PTGR2: variants seen among roughly 807,000 people sequenced by gnomAD.
PTGR2 encodes 15-oxoprostaglandin 13-reductase.
A neutral mutation model predicts 43.4 loss-of-function variants in PTGR2; 32 were observed. That is an observed-to-expected ratio of 0.74 (90% CI 0.56 to 0.99). The LOEUF is 0.99. Among genes scored for constraint, PTGR2 ranks in the 50% least tolerant of loss-of-function variants. PTGR2 has a pLI of 0.00. For missense variants in PTGR2, 373 were observed against 420.0 expected, an observed-to-expected ratio of 0.89 and a Z score of 0.98; for synonymous variants, 106 against 139.2, an observed-to-expected ratio of 0.76 and a Z score of 1.68.
intron 4 of PTGR2, among the ~76,000 whole-genome samples, chr14:73,875,816 G>GT (rs1555351261): frequency 2.3e-4 from 25 of 106,486 alleles, no homozygotes; most frequent in East Asian, 4.7e-4. Context: ...TTTTTTAAAA[G>GT]TTTCTTTTTT....
At chr14:73,858,989 A>G (rs890189684) in intron 2 of PTGR2, 90 bp downstream of exon 2, 1 of 999,594 alleles carries the variant, frequency 1.0e-6, no homozygotes, top group Non-Finnish European at 1.5e-6. Flanking sequence ...TTCATGTGGT[A>G]AATTAAGGTA....
At chr14:73,875,816 G>GTTT (rs1555351261) in intron 4 of PTGR2, among the ~76,000 whole-genome samples, 9 of 106,496 alleles carry the variant, frequency 8.5e-5, no homozygotes, top group South Asian at 3.0e-4. Context: ...TTTTTTAAAA[G>GTTT]TTTCTTTTTT....
At chr14:73,867,848 T>A (rs748453366) in intron 3 of PTGR2, among the ~76,000 whole-genome samples, 1 of 152,234 alleles carries the variant, frequency 6.6e-6, no homozygotes, top group Non-Finnish European at 1.5e-5. Context: ...TTTGCCCCTT[T>A]AAGCCATTTT....
chr14:73,862,002 C>T lies in PTGR2; in HGVS notation c.156+1345C>T, dbSNP rs143884173. ...AAGTGATTCTCCTGGCTCAGCTTCC[C>T]GAGTAGCTGGGATTGCAGTCGTACA... On this transcript the variant is annotated intron_variant, in intron 3 of 9. Coordinates refer to ENST00000555661, the MANE Select transcript of PTGR2 (RefSeq NM_001146154.2). 5.8e-3 allele frequency among the ~76,000 whole-genome samples: 883 copies of T among 151,430 alleles called. 4 individuals are homozygous for T. Among genetic ancestry groups the T allele is most frequent in the African/African-American group, 0.021 (849 of 41,242 alleles).
At chr14:73,876,516 CTG>C (rs1029236700) in intron 4 of PTGR2, among the ~76,000 whole-genome samples, 3 of 113,748 alleles carry the variant, frequency 2.6e-5, no homozygotes, top group African/African-American at 9.9e-5. Context: ...AAGTCTAACT[CTG>C]TCGCCCAGGC....
chr14:73,877,299 AG>A (rs1166328274), intron 5 of PTGR2, 131 bp downstream of exon 5: 50 of 829,648 alleles, frequency 6.0e-5, no homozygotes, highest in Middle Eastern at 7.7e-4. Flanking sequence ...TTTTTGAGAC[AG>A]AGTCTCCAGG....
At chr14:73,857,813 C>T (rs1259878457) in intron 1 of PTGR2, among the ~76,000 whole-genome samples, 1 of 151,120 alleles carries the variant, frequency 6.6e-6, no homozygotes, top group Non-Finnish European at 1.5e-5. Flanking sequence ...GGACTACAGG[C>T]TCCCGCTACC....
intron 3 of PTGR2, among the ~76,000 whole-genome samples, chr14:73,873,360 C>A (rs2054781725): frequency 6.6e-6 from 1 of 152,074 alleles, no homozygotes; most frequent in Non-Finnish European, 1.5e-5. Flanking sequence ...GTGGCTATAT[C>A]ATGCTAACAT....
intron 1 of PTGR2, among the ~76,000 whole-genome samples, chr14:73,856,196 G>A (rs989432043): frequency 6.6e-6 from 1 of 152,040 alleles, no homozygotes; most frequent in Non-Finnish European, 1.5e-5. Flanking sequence ...AATCTGGTAG[G>A]CTCCATTCAT....
At chr14:73,860,247 C>G (rs1046310124) in intron 2 of PTGR2, among the ~76,000 whole-genome samples, 3 of 151,790 alleles carry the variant, frequency 2.0e-5, no homozygotes, top group Non-Finnish European at 2.9e-5. Flanking sequence ...GTGGGCAGAT[C>G]GTGAGGTCAG....
chr14:73,882,800 C>CTTTTTTTTTTTTTTTTTT (rs35651032), intron 9 of PTGR2, among the ~76,000 whole-genome samples: 1 of 41,868 alleles, frequency 2.4e-5, no homozygotes, highest in Non-Finnish European at 4.6e-5. Context: ...ACGCCTGGCC[C>CTTTTTTTTTTTTTTTTTT]TTTTTTTTTT....
At chr14:73,857,238 G>T (rs867075394) in intron 1 of PTGR2, among the ~76,000 whole-genome samples, 10 of 144,518 alleles carry the variant, frequency 6.9e-5, no homozygotes, top group Admixed American at 3.5e-4. Context: ...AGGAATTTCC[G>T]TTTTTTTTTT....
intron 4 of PTGR2, among the ~76,000 whole-genome samples, chr14:73,875,820 CTTT>C (rs953891690): frequency 2.1e-5 from 2 of 94,374 alleles, no homozygotes; most frequent in Admixed American, 2.7e-4. Context: ...TTAAAAGTTT[CTTT>C]TTTTTTTTTT....
intron 2 of PTGR2, among the ~76,000 whole-genome samples, chr14:73,860,190 A>G (rs1411531129): frequency 6.6e-6 from 1 of 151,920 alleles, no homozygotes; most frequent in African/African-American, 2.4e-5. Flanking sequence ...TCCTAGAGTG[A>G]CCCTTTAAAG....
intron 4 of PTGR2, among the ~76,000 whole-genome samples, chr14:73,874,848 A>G (rs1205678227): frequency 6.6e-6 from 1 of 152,134 alleles, no homozygotes; most frequent in African/African-American, 2.4e-5. Context: ...AAGAATAGGT[A>G]ATAGCCTGAC....
chr14:73,876,916 CAG>C (rs1302908870), intron 4 of PTGR2, 80 bp from the exon 5 acceptor site: 50 of 992,872 alleles, frequency 5.0e-5, no homozygotes, highest in Middle Eastern at 6.6e-4. Flanking sequence ...GGACGCAATT[CAG>C]TCCATAACAC....
At chr14:73,878,461 T>A (rs1220416652) in intron 5 of PTGR2, 2 of 157,474 alleles carry the variant, frequency 1.3e-5, no homozygotes, top group Non-Finnish European at 2.8e-5. Context: ...ATGGTTCTAC[T>A]TTACAGTGAT....
chr14:73,870,012 C>A (rs951866447), intron 3 of PTGR2, among the ~76,000 whole-genome samples: 3 of 150,128 alleles, frequency 2.0e-5, no homozygotes, highest in African/African-American at 7.4e-5. Flanking sequence ...GCTTGAGTGA[C>A]AGAGACTCCG....
chr14:73,858,894 G>A lies in PTGR2; in HGVS notation c.32G>A (p.Arg11Gln), dbSNP rs548709026. The A allele has an allele frequency of 9.9e-5, 159 of 1,610,660 alleles. No homozygotes were observed. Among genetic ancestry groups the A allele is most frequent in the Middle Eastern group, 1.6e-4 (1 of 6,076 alleles). The change falls in exon 2 of 10, where the codon CGA becomes CAA. Residue 11 changes from arginine (R) to glutamine (Q), a missense_variant. Arg to Gln is a conservative substitution (Grantham distance 43, BLOSUM62 1). Transcript: ENST00000555661. ...GTTCAAAGAGTGGTATTGAATTCTCGACCTGGTATGTATTTGCGATGAATG... is the reference window on the plus strand; with the variant it reads ...GTTCAAAGAGTGGTATTGAATTCTCAACCTGGTATGTATTTGCGATGAATG... MIVQRVVLNS[R>Q]PGKNGNPVAE...
Sources: allele counts gnomAD v4.1 joint callset (sites outside exome capture counted in the v4.1 genomes callset), GRCh38; gene constraint gnomAD v4.1.1; transcripts MANE v1.5; gene names NCBI Gene and HGNC (gene_info 2026-07-23, HGNC 2026-07-21).